RDH13: variants seen among roughly 807,000 people sequenced by gnomAD.
RDH13 encodes retinol dehydrogenase 13 (all-trans and 9-cis).
In RDH13, 35 loss-of-function variants were observed where a neutral mutation model predicts 28.3. The ratio of observed to expected loss-of-function variants is 1.24; its 90% confidence interval spans 0.95 to 1.64. The LOEUF (loss-of-function observed/expected upper bound fraction) is 1.64. Ranked by LOEUF, RDH13 falls within the 40% of genes most tolerant of loss-of-function variation. The probability of loss-of-function intolerance (pLI) is 0.00; values close to 1 mark genes in which losing one functional copy is unlikely to be tolerated. For synonymous variants in RDH13, 229 were observed against 198.5 expected (o/e 1.15, Z -1.29); for missense variants, 514 against 446.3 (o/e 1.15, Z -1.37).
At chr19:55,065,072 G>T (rs59276232), upstream of RDH13, among the ~76,000 whole-genome samples, 114,555 of 150,550 alleles carry the variant, frequency 0.76, 44,041 homozygotes, top group Middle Eastern at 0.82. Flanking sequence ...TTTATGCATA[G>T]TTTACCAAAC....
exon 3 of RDH13, chr19:55,039,194 T>C (rs1359030569): frequency 6.6e-6 from 1 of 152,190 alleles, no homozygotes; most frequent in Non-Finnish European, 1.5e-5. Context: ...ATAAACAACA[T>C]GTGGTATATA....
At position 55,044,961 on chromosome 19, in the gene RDH13, C is replaced by T. The variant is rs1336161056; in HGVS notation, c.*113G>A. 2.1e-5 allele frequency: 16 copies of T among 779,152 alleles called. 1 individual carries two copies. Among genetic ancestry groups the T allele is most frequent in the South Asian group, 1.8e-4 (10 of 56,076 alleles). 48.3% of individuals were successfully genotyped at this position (779,152 alleles called of 1,614,324 possible). ...CCCCTAGAACCTACTGCGGGCATGGCGGCCGCCAGTCCTGGGTCTCCCGGC... is the reference window on the plus strand; with the variant it reads ...CCCCTAGAACCTACTGCGGGCATGGTGGCCGCCAGTCCTGGGTCTCCCGGC... On this transcript the variant is annotated 3_prime_UTR_variant, in exon 7 of 7. Transcript: ENST00000415061.
intron 2 of RDH13, 111 bp from the exon 3 acceptor site, chr19:55,056,919 G>A (rs1028001386): frequency 5.2e-6 from 5 of 956,088 alleles, no homozygotes; most frequent in African/African-American, 3.3e-5. Context: ...AATGTTCACT[G>A]CGGCATTCTT....
At chr19:55,060,920 G>T (rs778370772) in intron 1 of RDH13, among the ~76,000 whole-genome samples, 2 of 152,170 alleles carry the variant, frequency 1.3e-5, no homozygotes, top group African/African-American at 2.4e-5. Flanking sequence ...AACCACATAA[G>T]TGCATCCTCC....
intron 3 of RDH13, among the ~76,000 whole-genome samples, chr19:55,055,259 TCTC>T (rs1347903303): frequency 6.6e-6 from 1 of 151,810 alleles, no homozygotes; most frequent in East Asian, 2.0e-4. Context: ...TTCAAGCAAT[TCTC>T]CTGCCTCAGC....
At position 55,060,012 on chromosome 19, in the gene RDH13, C is replaced by T. The variant is rs556128337; in HGVS notation, c.66-737G>A. ...GATGCACTGCAGAAAGCTGCAGGGACCTCTGCCCTTGAACACAGAGTATTG... is the reference window on the plus strand; with the variant it reads ...GATGCACTGCAGAAAGCTGCAGGGATCTCTGCCCTTGAACACAGAGTATTG... On this transcript the variant is annotated intron_variant, in intron 1 of 6. Coordinates refer to ENST00000415061, the MANE Select transcript of RDH13 (RefSeq NM_001145971.2). Among the ~76,000 whole-genome samples the T allele has an allele frequency of 2.6e-5, 4 of 152,290 alleles. No homozygotes were observed. In the South Asian group the frequency reaches 8.3e-4, roughly 32 times the overall value.
rs1050128123 is a variant in RDH13 at position 55,054,278 on chromosome 19, G to A, written c.340+2375C>T. Among the ~76,000 whole-genome samples the A allele has an allele frequency of 3.3e-5, 5 of 152,246 alleles. No individual in the cohort carries two copies. The South Asian group carries it at 1.0e-3, about 32-fold the overall frequency. On this transcript the variant is annotated intron_variant, in intron 3 of 6. Coordinates refer to ENST00000415061, the MANE Select transcript of RDH13 (RefSeq NM_001145971.2). ...CATTGACTCTGAAGAAGAAAGCTTT[G>A]GCCCTTTCAGTGCCAGACTAGAAAA...
chr19:55,058,187 G>A (rs2147058124), intron 2 of RDH13, among the ~76,000 whole-genome samples: 1 of 152,092 alleles, frequency 6.6e-6, no homozygotes, highest in East Asian at 1.9e-4. Context: ...CAAGGCAGGT[G>A]GATCACCTGA....
chr19:55,051,733 T>G (rs1319038209), intron 3 of RDH13, among the ~76,000 whole-genome samples: 2 of 151,394 alleles, frequency 1.3e-5, no homozygotes, highest in Non-Finnish European at 2.9e-5. Flanking sequence ...CAGCCTGTTT[T>G]TTTTTTTTTC....
At chr19:55,042,178 G>A (rs1358273085), downstream of RDH13, 1 of 147,350 alleles carries the variant, frequency 6.8e-6, no homozygotes, top group Non-Finnish European at 1.5e-5. Context: ...TGGCTTTCTA[G>A]TAAAAACCAC....
intron 1 of RDH13, among the ~76,000 whole-genome samples, chr19:55,061,491 C>A (rs1185554418): frequency 6.6e-6 from 1 of 151,784 alleles, no homozygotes; most frequent in Admixed American, 6.6e-5. Context: ...TATAAGGACC[C>A]TATAAGACTA....
intron 1 of RDH13, among the ~76,000 whole-genome samples, chr19:55,060,979 C>A (rs2075791962): frequency 6.6e-6 from 1 of 152,126 alleles, no homozygotes; most frequent in Admixed American, 6.6e-5. Context: ...TGGAATAAAT[C>A]AAGGTATTGG....
At chr19:55,049,626 C>T (rs2075361281) in intron 3 of RDH13, among the ~76,000 whole-genome samples, 1 of 152,034 alleles carries the variant, frequency 6.6e-6, no homozygotes, top group Non-Finnish European at 1.5e-5. Flanking sequence ...CGCGTCTTTA[C>T]TAAAAATACA....
At chr19:55,051,717 C>CGCGCCCAGCCTGTTTTTT in intron 3 of RDH13, among the ~76,000 whole-genome samples, 1 of 150,500 alleles carries the variant, frequency 6.6e-6, no homozygotes, top group Non-Finnish European at 1.5e-5. Flanking sequence ...TGTGAGCCAC[C>CGCGCCCAGCCTGTTTTTT]GCGCCCAGCC....
chr19:55,054,984 T>C (rs2075584059), intron 3 of RDH13, among the ~76,000 whole-genome samples: 1 of 152,172 alleles, frequency 6.6e-6, no homozygotes, highest in Non-Finnish European at 1.5e-5. Context: ...TAAATAATTT[T>C]AGTGTATTCT....
Position 55,044,787 on chromosome 19 carries a change from G to C in RDH13, c.*287C>G. 2.3e-6 allele frequency: 1 copy of C among 443,498 alleles called. No homozygotes were observed. Among genetic ancestry groups the C allele is most frequent in the East Asian group, 3.6e-5 (1 of 27,912 alleles). The allele number at this position is 443,498 out of a possible 1,614,324, so 27.5% of individuals were successfully genotyped here. ...TCCTGACGTGGCCTGCAAGTGCACG[G>C]AGCCCCTTCCTCCTCGGCCATTCCC... On this transcript the variant is annotated 3_prime_UTR_variant, in exon 7 of 7. Coordinates refer to ENST00000415061, the MANE Select transcript of RDH13 (RefSeq NM_001145971.2).
chr19:55,054,018 C>T (rs2075550751), intron 3 of RDH13: 1 of 152,210 alleles, frequency 6.6e-6, no homozygotes, highest in African/African-American at 2.4e-5. Context: ...ACAGTGCCGG[C>T]TCTTTCTTGA....
chr19:55,062,627 C>T (rs1642520899), intron 1 of RDH13, among the ~76,000 whole-genome samples: 1 of 152,200 alleles, frequency 6.6e-6, no homozygotes, highest in Non-Finnish European at 1.5e-5. Flanking sequence ...CTGCAGTGAG[C>T]CAAGATCGCG....
chr19:55,059,114 T>C (rs1568727237), intron 2 of RDH13, 43 bp downstream of exon 2: 2 of 1,265,542 alleles, frequency 1.6e-6, no homozygotes. Context: ...TGAGCATGGA[T>C]GTACAGATAT....
Sources: allele counts gnomAD v4.1 joint callset (sites outside exome capture counted in the v4.1 genomes callset), GRCh38; gene constraint gnomAD v4.1.1; transcripts MANE v1.5; gene names NCBI Gene and HGNC (gene_info 2026-07-23, HGNC 2026-07-21).